The following PPM1H variants were observed in gnomAD, a reference collection of about 807,000 sequenced individuals.
PPM1H encodes protein phosphatase 1H.
In PPM1H, 27 loss-of-function variants were observed where a neutral mutation model predicts 54.9. The observed-to-expected ratio is 0.49, with a 90% CI of 0.36 to 0.68. The LOEUF is 0.68. Ranked by LOEUF, PPM1H falls within the 30% of genes least tolerant of loss-of-function variation. PPM1H has a pLI of 0.00. For synonymous variants in PPM1H, 305 were observed against 270.8 expected (o/e 1.13, Z -1.24); for missense variants, 596 against 667.8 (o/e 0.89, Z 1.19).
chr12:62,808,139 C>T (rs2076816027), intron 2 of PPM1H, among the ~76,000 whole-genome samples: 1 of 152,148 alleles, frequency 6.6e-6, no homozygotes, highest in Admixed American at 6.5e-5. Flanking sequence ...GCCACCCATC[C>T]CATCATTTAA....
At chr12:62,679,550 G>A (rs2136626312) in intron 8 of PPM1H, among the ~76,000 whole-genome samples, 1 of 152,224 alleles carries the variant, frequency 6.6e-6, no homozygotes, top group Admixed American at 6.5e-5. Flanking sequence ...ATGAAATTTT[G>A]GGGGCTCTCA....
intron 4 of PPM1H, among the ~76,000 whole-genome samples, chr12:62,759,350 G>C (rs1408786856): frequency 6.6e-6 from 1 of 152,106 alleles, no homozygotes; most frequent in Non-Finnish European, 1.5e-5. Flanking sequence ...TTTTAAATCG[G>C]GTAAGCGGTC....
At chr12:62,808,039 T>C (rs1271503524) in intron 2 of PPM1H, among the ~76,000 whole-genome samples, 2 of 152,190 alleles carry the variant, frequency 1.3e-5, no homozygotes, top group Admixed American at 6.5e-5. Context: ...GGTTTTGCTA[T>C]GTTGCCCAGG....
intron 6 of PPM1H, among the ~76,000 whole-genome samples, chr12:62,717,053 A>C (rs2076238656): frequency 6.6e-6 from 1 of 152,120 alleles, no homozygotes; most frequent in African/African-American, 2.4e-5. Flanking sequence ...GGCTCACCGC[A>C]CCCTCGAATT....
chr12:62,730,734 T>C (rs1190901050), intron 5 of PPM1H, among the ~76,000 whole-genome samples: 1 of 152,096 alleles, frequency 6.6e-6, no homozygotes, highest in Non-Finnish European at 1.5e-5. Context: ...GAGAAGAGGA[T>C]TGGAAGCCTT....
At chr12:62,839,044 G>T (rs1391773665) in intron 1 of PPM1H, among the ~76,000 whole-genome samples, 2 of 151,838 alleles carry the variant, frequency 1.3e-5, no homozygotes, top group Non-Finnish European at 2.9e-5. Flanking sequence ...TGACCAGGGA[G>T]AAGAAAGGAT....
In PPM1H at chr12:62,645,844, C is replaced by G. The variant is rs1020988297; in HGVS notation, c.*2645G>C. ...AAGATTTCTGAACCATGTATAAATA[C>G]GTTCTGCAGAATTTCGAAGTGTGCG... On this transcript the variant is annotated 3_prime_UTR_variant, in exon 10 of 10. Coordinates refer to ENST00000228705, the MANE Select transcript of PPM1H (RefSeq NM_020700.2). 2.6e-5 allele frequency: 4 copies of G among 152,184 alleles called. No homozygotes were observed. Among genetic ancestry groups the G allele is most frequent in the African/African-American group, 9.6e-5 (4 of 41,454 alleles). The allele number at this position is 152,184 out of a possible 1,614,324, so 9.4% of individuals were successfully genotyped here. A position where few individuals can be genotyped will look rare whatever the true frequency, so the allele number is the denominator to read the frequency against.
chr12:62,763,399 T>C (rs2076522198), intron 4 of PPM1H, among the ~76,000 whole-genome samples: 1 of 152,218 alleles, frequency 6.6e-6, no homozygotes, highest in Non-Finnish European at 1.5e-5. Context: ...AGGGTAAATG[T>C]GCATGAGTGG....
chr12:62,745,355 C>T (rs1206583555), intron 4 of PPM1H, among the ~76,000 whole-genome samples: 1 of 152,162 alleles, frequency 6.6e-6, no homozygotes, highest in South Asian at 2.1e-4. Context: ...AGCCACCGCA[C>T]CTGGTTAACT....
chr12:62,844,065 A>G lies in PPM1H; in HGVS notation c.246-11786T>C, dbSNP rs1448824396. Among the ~76,000 whole-genome samples, 1 of 152,196 alleles carries G rather than the reference A, an allele frequency of 6.6e-6. No homozygotes were observed. The highest frequency in any genetic ancestry group is 1.5e-5 in the Non-Finnish European group (1 of 68,034). ...TAAGGAAGCTAGAAAGTACAATAAG[A>G]CTTTGCCTTTGTCAACCTTAAATAA... is the stretch of plus-strand genomic sequence containing the variant. On this transcript the variant is annotated intron_variant, in intron 1 of 9. Coordinates refer to ENST00000228705, the MANE Select transcript of PPM1H (RefSeq NM_020700.2). The surrounding 1 kb of genome is among the most constrained non-coding windows in gnomAD (Gnocchi z 5.2).
At chr12:62,852,223 T>C (rs1475023605) in intron 1 of PPM1H, among the ~76,000 whole-genome samples, 3 of 107,310 alleles carry the variant, frequency 2.8e-5, no homozygotes, top group East Asian at 4.2e-4. Context: ...AGCGAGACTC[T>C]GTCTCAAAAA....
At chr12:62,705,507 G>T (rs1196568724) in intron 6 of PPM1H, among the ~76,000 whole-genome samples, 2 of 152,002 alleles carry the variant, frequency 1.3e-5, no homozygotes, top group Non-Finnish European at 2.9e-5. Flanking sequence ...GATGCACTTG[G>T]AAAAAAATCA....
At chr12:62,709,260 A>G (rs11174615) in intron 6 of PPM1H, among the ~76,000 whole-genome samples, 1 of 152,264 alleles carries the variant, frequency 6.6e-6, no homozygotes, top group East Asian at 1.9e-4. Context: ...CTCAGTCTCC[A>G]TGAATGCCCC....
intron 1 of PPM1H, among the ~76,000 whole-genome samples, chr12:62,910,483 A>C (rs146905324): frequency 0.01 from 1,542 of 152,118 alleles, 28 homozygotes; most frequent in African/African-American, 0.034. Flanking sequence ...CATTTTCTCT[A>C]TTTCTTTTTT....
chr12:62,736,426 C>T (rs1216805807), intron 5 of PPM1H, among the ~76,000 whole-genome samples: 43 of 152,174 alleles, frequency 2.8e-4, no homozygotes, highest in Non-Finnish European at 2.9e-5. Flanking sequence ...CAGCTTAAGA[C>T]ACCACCACAA....
chr12:62,754,872 T>A (rs896427332), intron 4 of PPM1H, among the ~76,000 whole-genome samples: 6 of 152,190 alleles, frequency 3.9e-5, no homozygotes, highest in African/African-American at 1.4e-4. Flanking sequence ...TTTCCATCCA[T>A]GAGACACTTG....
At chr12:62,889,589 C>T (rs929236330) in intron 1 of PPM1H, among the ~76,000 whole-genome samples, 22 of 152,028 alleles carry the variant, frequency 1.4e-4, no homozygotes, top group African/African-American at 3.4e-4. Context: ...AGTAGACCAA[C>T]GGAACAGAAG....
chr12:62,760,962 GT>G (rs2076505269), intron 4 of PPM1H, among the ~76,000 whole-genome samples: 1 of 152,130 alleles, frequency 6.6e-6, no homozygotes, highest in Non-Finnish European at 1.5e-5. Flanking sequence ...CTTAGATGTT[GT>G]TTACTTTCAG....
chr12:62,926,590 A>G lies in PPM1H; in HGVS notation c.245+7902T>C, dbSNP rs192945778. Among the ~76,000 whole-genome samples, 10 of 152,350 alleles carry G rather than the reference A, an allele frequency of 6.6e-5. No homozygotes were observed. The East Asian group carries it at 1.5e-3, about 24-fold the overall frequency. ...GGCCAAGGGTGAACAGCCTTAAAAT[A>G]TAAAGAGCTCTTATAAATATGAAAC... On this transcript the variant is annotated intron_variant, in intron 1 of 9. Transcript: ENST00000228705.
Sources: allele counts gnomAD v4.1 joint callset (sites outside exome capture counted in the v4.1 genomes callset), GRCh38; gene constraint gnomAD v4.1.1; non-coding constraint Gnocchi (gnomAD v3.1); transcripts MANE v1.5; gene names NCBI Gene and HGNC (gene_info 2026-07-23, HGNC 2026-07-21).